The following LRRC75A variants were observed in gnomAD, a reference collection of about 807,000 sequenced individuals.
LRRC75A encodes the protein leucine-rich repeat-containing protein 75A.
LRRC75A carries 12 observed loss-of-function variants against 26.0 expected under a neutral mutation model. That is an observed-to-expected ratio of 0.46 (90% CI 0.30 to 0.75). The LOEUF is 0.75. Among genes scored for constraint, LRRC75A ranks in the 30% least tolerant of loss-of-function variants. The pLI, the probability that LRRC75A is intolerant of heterozygous loss-of-function variation, is 0.08. For synonymous variants in LRRC75A, 223 were observed against 219.3 expected (o/e 1.02, Z -0.15); for missense variants, 410 against 486.6 (o/e 0.84, Z 1.48).
intron 1 of LRRC75A, among the ~76,000 whole-genome samples, chr17:16,474,817 C>G (rs1366798852): frequency 6.6e-6 from 1 of 151,726 alleles, no homozygotes; most frequent in East Asian, 1.9e-4. Flanking sequence ...CATGGTGAAA[C>G]CCCGTCTCTA....
intron 1 of LRRC75A, among the ~76,000 whole-genome samples, chr17:16,485,572 T>C (rs2093844361): frequency 6.6e-6 from 1 of 151,646 alleles, no homozygotes; most frequent in Admixed American, 6.6e-5. Flanking sequence ...TATTTTGTTA[T>C]AGCAGCCGGA....
Position 16,491,648 on chromosome 17 carries a change from G to A in LRRC75A, c.246+97C>T. On this transcript the variant is annotated intron_variant, in intron 1 of 3. Transcript: ENST00000470794. The surrounding 1 kb of genome is among the most constrained non-coding windows in gnomAD (Gnocchi z 5.9). ...AAGGGGCCCCTGGGCGGTGCCCCTC[G>A]GTGCCCCCGGCTTCCTCGGTTAGGG... The A allele has an allele frequency of 1.1e-6, 1 of 943,748 alleles. No individual in the cohort carries two copies. The allele number at this position is 943,748 out of a possible 1,614,324, so 58.5% of individuals were successfully genotyped here.
In LRRC75A at chr17:16,448,373, T is replaced by C. The variant is rs377331236; in HGVS notation, c.376-413A>G. On this transcript the variant is annotated intron_variant, in intron 2 of 3. Transcript: ENST00000470794. ...GAGCCAGGCACTTGTTCTAGGAAGC[T>C]AGGATATGGCCATGAACAAATGTTC... The C allele has an allele frequency of 4.2e-4, 97 of 232,664 alleles. 1 individual carries two copies. The South Asian group carries it at 4.7e-3, about 11-fold the overall frequency. The allele number at this position is 232,664 out of a possible 1,614,324, so 14.4% of individuals were successfully genotyped here. A position where few individuals can be genotyped will look rare whatever the true frequency, so the allele number is the denominator to read the frequency against.
At chr17:16,453,002 G>A (rs1268480995) in intron 2 of LRRC75A, among the ~76,000 whole-genome samples, 1 of 152,008 alleles carries the variant, frequency 6.6e-6, no homozygotes, top group African/African-American at 2.4e-5. Context: ...TAAAAGAAGA[G>A]AATAGAGGCC....
In LRRC75A at chr17:16,442,299, C is replaced by A. The variant is rs569577855; in HGVS notation, c.*1289G>T. 1 of 152,412 alleles carries A rather than the reference C, an allele frequency of 6.6e-6. No individual in the cohort carries two copies. The highest frequency in any genetic ancestry group is 2.1e-4 in the South Asian group (1 of 4,832). The allele number at this position is 152,412 out of a possible 1,614,324, so 9.4% of individuals were successfully genotyped here. On this transcript the variant is annotated 3_prime_UTR_variant, in exon 4 of 4. Transcript: ENST00000470794. ...ACAACCTTAACAGCATGTAGGGCCC[C>A]ATACTCTAGGCCCCATCTTGCTGTC...
At chr17:16,446,506 T>C (rs2143010354) in intron 3 of LRRC75A, among the ~76,000 whole-genome samples, 1 of 152,186 alleles carries the variant, frequency 6.6e-6, no homozygotes, top group Admixed American at 6.5e-5. Flanking sequence ...GGGACTGGTG[T>C]GTCTGTGAAC....
intron 1 of LRRC75A, among the ~76,000 whole-genome samples, chr17:16,476,321 T>C (rs1173170976): frequency 1.3e-5 from 2 of 151,976 alleles, no homozygotes; most frequent in Non-Finnish European, 2.9e-5. Flanking sequence ...TGAGTTGAGG[T>C]TGCACCACTG....
At chr17:16,489,631 C>A (rs2093853415) in intron 1 of LRRC75A, among the ~76,000 whole-genome samples, 1 of 152,248 alleles carries the variant, frequency 6.6e-6, no homozygotes, top group Non-Finnish European at 1.5e-5. Context: ...AGAAAGCCAC[C>A]TCTCTGTCAT....
Position 16,442,796 on chromosome 17 carries a change from T to C in LRRC75A, c.*792A>G, listed in dbSNP as rs1235398732. ...AGGAAGCCAGGTTTGTCACTTACCC[T>C]GCATGCTAAGGACATCAGAGCCCAC... On this transcript the variant is annotated 3_prime_UTR_variant, in exon 4 of 4. Transcript: ENST00000470794. 1 of 152,248 alleles carries C rather than the reference T, an allele frequency of 6.6e-6. No homozygotes were observed. Among genetic ancestry groups the C allele is most frequent in the East Asian group, 1.9e-4 (1 of 5,204 alleles). 9.4% of individuals were successfully genotyped at this position (152,248 alleles called of 1,614,324 possible).
intron 1 of LRRC75A, among the ~76,000 whole-genome samples, chr17:16,478,043 G>A: frequency 6.6e-6 from 1 of 151,830 alleles, no homozygotes; most frequent in East Asian, 1.9e-4. Context: ...CAGCGTCCCT[G>A]CTCTCACCCT....
chr17:16,487,424 C>T (rs1349628652), intron 1 of LRRC75A, among the ~76,000 whole-genome samples: 2 of 152,178 alleles, frequency 1.3e-5, no homozygotes, highest in African/African-American at 2.4e-5. Flanking sequence ...GGTGTCTGTC[C>T]ATTGCTCAGC....
At position 16,443,833 on chromosome 17, in the gene LRRC75A, T is replaced by C. The variant is rs768665612; in HGVS notation, c.790A>G (p.Thr264Ala). 2.5e-6 allele frequency: 4 copies of C among 1,614,016 alleles called. No individual in the cohort carries two copies. The Admixed American group carries it at 6.7e-5, about 27-fold the overall frequency. The part of the protein sequence containing the change: ...LKDPSKFPNV[T>A]WIDLGNNVDI... ...ACGTTGTTGCCCAGGTCAATCCACG[T>C]GACATTGGGGAACTTGCTGGGATCC... The change falls in exon 4 of 4, where the codon ACG (threonine) becomes GCG (alanine). Residue 264 changes from threonine to alanine, a missense_variant. Physicochemically the swap from Thr to Ala is moderately conservative, Grantham distance 58 (BLOSUM62 0). Coordinates refer to ENST00000470794, the MANE Select transcript of LRRC75A (RefSeq NM_001113567.3).
At chr17:16,454,196 G>A (rs976215154) in intron 2 of LRRC75A, among the ~76,000 whole-genome samples, 11 of 151,994 alleles carry the variant, frequency 7.2e-5, no homozygotes, top group Non-Finnish European at 1.2e-4. Flanking sequence ...TTCGAGACTA[G>A]CCTGGCCAAC....
In LRRC75A at chr17:16,444,123, G is replaced by T; in HGVS notation, c.500C>A (p.Ala167Asp). ...GTCTGGGGGGCTTCCGGCCAGGACA[G>T]CCTTGAGGCTGAAGGGAAAAAGGAC... ...VKRKPQACLK[A>D]VLAGSPPDNT... Residue 167 changes from alanine (A) to aspartate (D), a missense_variant, in exon 4 of 4, where the codon GCT (alanine) becomes GAT (aspartate). Transcript: ENST00000470794. 1 of 1,593,272 alleles carries T rather than the reference G, an allele frequency of 6.3e-7. No homozygotes were observed. The highest frequency in any genetic ancestry group is 8.6e-7 in the Non-Finnish European group (1 of 1,166,086).
At chr17:16,449,690 C>T (rs1437831929) in intron 2 of LRRC75A, among the ~76,000 whole-genome samples, 4 of 152,208 alleles carry the variant, frequency 2.6e-5, no homozygotes, top group African/African-American at 9.7e-5. Context: ...GATCTCGGCT[C>T]ACTGCAACCT....
intron 1 of LRRC75A, among the ~76,000 whole-genome samples, chr17:16,473,815 C>T (rs892036973): frequency 1.3e-5 from 2 of 152,204 alleles, no homozygotes; most frequent in African/African-American, 4.8e-5. Context: ...CCCTCCTCGA[C>T]GGTGACGAGT....
chr17:16,456,760 T>C (rs977533048), intron 2 of LRRC75A, among the ~76,000 whole-genome samples: 2 of 152,230 alleles, frequency 1.3e-5, no homozygotes, highest in African/African-American at 2.4e-5. Flanking sequence ...GACACCTCGA[T>C]ATCTGTAGAA....
intron 1 of LRRC75A, among the ~76,000 whole-genome samples, chr17:16,464,495 G>C (rs12452937): frequency 0.32 from 48,664 of 152,124 alleles, 8,290 homozygotes; most frequent in Non-Finnish European, 0.36. Flanking sequence ...AGGAGGCAAG[G>C]GGAACAAGAC....
At chr17:16,461,588 C>T (rs567201533) in intron 2 of LRRC75A, among the ~76,000 whole-genome samples, 5 of 152,308 alleles carry the variant, frequency 3.3e-5, no homozygotes, top group Admixed American at 6.5e-5. Flanking sequence ...CTTTCCCTTC[C>T]GAGCTCCCAG....
Sources: allele counts gnomAD v4.1 joint callset (sites outside exome capture counted in the v4.1 genomes callset), GRCh38; gene constraint gnomAD v4.1.1; non-coding constraint Gnocchi (gnomAD v3.1); transcripts MANE v1.5; gene names NCBI Gene and HGNC (gene_info 2026-07-23, HGNC 2026-07-21).